XIRP2: variants seen among roughly 807,000 people sequenced by gnomAD.
XIRP2 encodes the protein xin actin-binding repeat-containing protein 2.
In XIRP2, 236 loss-of-function variants were observed where a neutral mutation model predicts 277.0. That is an observed-to-expected ratio of 0.85 (90% CI 0.77 to 0.95). The LOEUF (loss-of-function observed/expected upper bound fraction) is 0.95. Ranked by LOEUF, XIRP2 falls within the 40% of genes least tolerant of loss-of-function variation. The pLI, the probability that XIRP2 is intolerant of heterozygous loss-of-function variation, is 0.00. For synonymous variants in XIRP2, 1,490 were observed against 1,416.5 expected (o/e 1.05, Z -1.17); for missense variants, 4,640 against 4,157.5 (o/e 1.12, Z -3.19).
At chr2:166,897,051 A>G (rs1376636597) in intron 1 of XIRP2, among the ~76,000 whole-genome samples, 1 of 152,086 alleles carries the variant, frequency 6.6e-6, no homozygotes, top group African/African-American at 2.4e-5. Flanking sequence ...GTGTAAGTAC[A>G]CTCTGTGATC....
chr2:167,173,039 A>C (rs55733637), intron 3 of XIRP2, among the ~76,000 whole-genome samples: 41,478 of 152,110 alleles, frequency 0.27, 7,134 homozygotes, highest in African/African-American at 0.5. Context: ...TGTTCTTCTG[A>C]CATGGCTTCA....
chr2:167,188,142 A>G lies in XIRP2; in HGVS notation c.563-22593A>G, dbSNP rs79149333. On this transcript the variant is annotated intron_variant, in intron 3 of 10. Transcript: ENST00000409195. ...CCAGTTGGATCTGCCAGTCCTAATT[A>G]TAGTAACTACAACCTTAAACAGAGA... Among the ~76,000 whole-genome samples, 1,057 of 152,334 alleles carry G rather than the reference A, an allele frequency of 6.9e-3. 17 individuals are homozygous for G. The highest frequency in any genetic ancestry group is 0.024 in the African/African-American group (986 of 41,566).
At chr2:167,152,576 G>GA (rs993013434) in intron 3 of XIRP2, among the ~76,000 whole-genome samples, 1 of 151,920 alleles carries the variant, frequency 6.6e-6, no homozygotes, top group Non-Finnish European at 1.5e-5. Flanking sequence ...TAGGTAGAAA[G>GA]AAAAAAATAT....
chr2:167,106,422 A>T (rs889591438), intron 2 of XIRP2, among the ~76,000 whole-genome samples: 2 of 151,780 alleles, frequency 1.3e-5, no homozygotes, highest in Non-Finnish European at 3.0e-5. Context: ...AAAGGTTAAA[A>T]GTCGATCCCT....
chr2:166,911,079 T>C (rs1217300797), intron 2 of XIRP2, among the ~76,000 whole-genome samples: 2 of 152,124 alleles, frequency 1.3e-5, no homozygotes, highest in East Asian at 1.9e-4. Context: ...CTGAGAAAAA[T>C]GTATATTCTG....
At chr2:166,930,320 C>A (rs575084676) in intron 2 of XIRP2, among the ~76,000 whole-genome samples, 2 of 152,234 alleles carry the variant, frequency 1.3e-5, no homozygotes, top group South Asian at 4.1e-4. Flanking sequence ...GGCCCAGATT[C>A]CCCTCCTCCC....
chr2:166,934,980 G>T (rs191058114), intron 2 of XIRP2, among the ~76,000 whole-genome samples: 89 of 152,160 alleles, frequency 5.8e-4, no homozygotes, highest in African/African-American at 2.1e-3. Flanking sequence ...GCAGTGAGCT[G>T]AGATTGTGCC....
chr2:166,981,138 T>C (rs904122157), intron 2 of XIRP2, among the ~76,000 whole-genome samples: 4 of 152,124 alleles, frequency 2.6e-5, no homozygotes, highest in Non-Finnish European at 5.9e-5. Flanking sequence ...AGTGTATTAA[T>C]TTATTGGGGC....
At chr2:167,000,989 G>T (rs1687352870) in intron 2 of XIRP2, among the ~76,000 whole-genome samples, 1 of 152,114 alleles carries the variant, frequency 6.6e-6, no homozygotes, top group South Asian at 2.1e-4. Flanking sequence ...CGAGGTTATA[G>T]TGTATTATTA....
At chr2:167,083,891 G>A (rs1003927432) in intron 2 of XIRP2, among the ~76,000 whole-genome samples, 1 of 151,738 alleles carries the variant, frequency 6.6e-6, no homozygotes, top group African/African-American at 2.4e-5. Context: ...TGCAAACAGG[G>A]ACAATTTGAC....
chr2:167,154,181 G>C (rs958812051), intron 3 of XIRP2, among the ~76,000 whole-genome samples: 2 of 149,426 alleles, frequency 1.3e-5, no homozygotes, highest in Non-Finnish European at 3.0e-5. Context: ...ATTTTTTCAT[G>C]TGTTTTTTGG....
intron 3 of XIRP2, among the ~76,000 whole-genome samples, chr2:167,191,748 G>A (rs1043001265): frequency 1.3e-5 from 2 of 152,044 alleles, no homozygotes; most frequent in African/African-American, 2.4e-5. Flanking sequence ...TTTTTGGCAG[G>A]CCTTCAAGTA....
chr2:167,063,574 T>A (rs954067069), intron 2 of XIRP2, among the ~76,000 whole-genome samples: 10 of 151,952 alleles, frequency 6.6e-5, no homozygotes, highest in Non-Finnish European at 1.5e-4. Context: ...CTTGTAGTGT[T>A]GCAAGTTTTC....
At chr2:166,926,399 G>A (rs1422001182) in intron 2 of XIRP2, among the ~76,000 whole-genome samples, 1 of 151,970 alleles carries the variant, frequency 6.6e-6, no homozygotes, top group Non-Finnish European at 1.5e-5. Context: ...TTAAAATAGT[G>A]ACCATTACAA....
chr2:167,259,509 T>G lies in XIRP2; in HGVS notation c.*1692T>G. 1 of 749,636 alleles carries G rather than the reference T, an allele frequency of 1.3e-6. No individual in the cohort carries two copies. Among genetic ancestry groups the G allele is most frequent in the South Asian group, 2.4e-5 (1 of 41,300 alleles). 46.4% of individuals were successfully genotyped at this position (749,636 alleles called of 1,614,324 possible). A position where few individuals can be genotyped will look rare whatever the true frequency, so the allele number is the denominator to read the frequency against. On this transcript the variant is annotated 3_prime_UTR_variant, in exon 11 of 11. Transcript: ENST00000409195. ...TCTCGTGTCTATCTCAATGGGATAT[T>G]TCTTGTATTACACCTTGTCATTTTT...
In XIRP2 at chr2:167,087,523, G is replaced by A. The variant is rs539928474; in HGVS notation, c.409-48386G>A. ...TACCTAAGCAAGCCTGGGCAATGGCGGGTGCCCCTCACCCTGCCTCGCTGC... is the reference window on the plus strand; with the variant it reads ...TACCTAAGCAAGCCTGGGCAATGGCAGGTGCCCCTCACCCTGCCTCGCTGC... On this transcript the variant is annotated intron_variant, in intron 2 of 10. Coordinates refer to ENST00000409195, the MANE Select transcript of XIRP2 (RefSeq NM_152381.6). Among the ~76,000 whole-genome samples, 272 of 152,230 alleles carry A rather than the reference G, an allele frequency of 1.8e-3. 1 individual carries two copies. The highest frequency in any genetic ancestry group is 5.6e-3 in the African/African-American group (232 of 41,546).
chr2:166,953,465 G>C (rs1427899327), intron 2 of XIRP2, among the ~76,000 whole-genome samples: 1 of 151,964 alleles, frequency 6.6e-6, no homozygotes, highest in East Asian at 1.9e-4. Context: ...CTTCCACCAT[G>C]AGTGTCTGGT....
In XIRP2 at chr2:167,061,860, G is replaced by C. The variant is rs73014175; in HGVS notation, c.409-74049G>C. 4.7e-3 allele frequency among the ~76,000 whole-genome samples: 709 copies of C among 152,026 alleles called. 5 individuals are homozygous for C. Among genetic ancestry groups the C allele is most frequent in the African/African-American group, 0.017 (690 of 41,492 alleles). On this transcript the variant is annotated intron_variant, in intron 2 of 10. Coordinates refer to ENST00000409195, the MANE Select transcript of XIRP2 (RefSeq NM_152381.6). Reference sequence around the variant, plus strand: ...GAAAGTATGAGCCTGATGACAACTTGTTTTTGTATTTCTAGTGTCCAAAAC... The same window carrying C: ...GAAAGTATGAGCCTGATGACAACTTCTTTTTGTATTTCTAGTGTCCAAAAC...
intron 3 of XIRP2, among the ~76,000 whole-genome samples, chr2:167,153,716 T>A (rs1284556460): frequency 6.6e-6 from 1 of 152,100 alleles, no homozygotes; most frequent in African/African-American, 2.4e-5. Context: ...ATTTCATCCA[T>A]GTCCCTAAAA....
Sources: gnomAD v4.1 joint callset for allele counts (sites outside exome capture counted in the v4.1 genomes callset) on GRCh38, gnomAD v4.1.1 for gene constraint, MANE v1.5 for transcripts, NCBI Gene and HGNC (gene_info 2026-07-23, HGNC 2026-07-21) for gene names.